HS6ST2: variants seen among roughly 807,000 people sequenced by gnomAD.
The protein encoded by HS6ST2 is heparan sulfate 6-O-sulfotransferase 2.
In HS6ST2, 17 loss-of-function variants were observed where a neutral mutation model predicts 33.0. That is an observed-to-expected ratio of 0.52 (90% CI 0.35 to 0.77). HS6ST2 has a LOEUF of 0.77. HS6ST2 is among the 30% of genes least tolerant of loss of function. HS6ST2 has a pLI of 0.01. For missense variants in HS6ST2, 519 were observed against 551.7 expected (o/e 0.94, Z 0.59); for synonymous variants, 248 against 237.1 (o/e 1.05, Z -0.42).
intron 2 of HS6ST2, among the ~76,000 whole-genome samples, chrX:132,722,203 A>C (rs2064338680): frequency 9.2e-6 from 1 of 108,841 alleles, no homozygotes; most frequent in South Asian, 3.9e-4. Context: ...AAAAAAAAAA[A>C]AAAAAAGAAC....
upstream of HS6ST2, among the ~76,000 whole-genome samples, chrX:132,961,078 G>GGCTCAAAT (rs1346443787): frequency 9.2e-6 from 1 of 108,202 alleles, no homozygotes; most frequent in East Asian, 2.9e-4. Flanking sequence ...GAATGACAAA[G>GGCTCAAAT]GCTCAAATGC....
At chrX:132,639,769 A>G (rs2063588396) in intron 4 of HS6ST2, among the ~76,000 whole-genome samples, 1 of 111,658 alleles carries the variant, frequency 9.0e-6, no homozygotes, top group Admixed American at 9.6e-5. Context: ...AAGAATCATA[A>G]GCTCCATGCC....
At chrX:132,763,319 G>A (rs1253527071) in intron 2 of HS6ST2, among the ~76,000 whole-genome samples, 1 of 112,583 alleles carries the variant, frequency 8.9e-6, no homozygotes, top group Non-Finnish European at 1.9e-5. Context: ...ATGAGCTAAC[G>A]CATGTGAAAG....
At chrX:132,762,258 C>A (rs1208863810) in intron 2 of HS6ST2, among the ~76,000 whole-genome samples, 3 of 111,087 alleles carry the variant, frequency 2.7e-5, no homozygotes, top group Non-Finnish European at 5.7e-5. Context: ...TCTTTGAGGG[C>A]AGGAGCCATG....
intron 2 of HS6ST2, among the ~76,000 whole-genome samples, chrX:132,718,634 T>G (rs1336131299): frequency 1.8e-5 from 2 of 111,067 alleles, no homozygotes; most frequent in Non-Finnish European, 3.8e-5. Flanking sequence ...CCTGTTTGCC[T>G]CTCTTTAGGC....
intron 2 of HS6ST2, among the ~76,000 whole-genome samples, chrX:132,827,344 T>C (rs1234598920): frequency 1.8e-5 from 2 of 110,988 alleles, no homozygotes; most frequent in East Asian, 2.9e-4. Context: ...AAACTTACTA[T>C]GGTTCACGGT....
rs188328775 is a variant in HS6ST2, at chrX:132,715,957, C to T, written c.948-7463G>A. Among the ~76,000 whole-genome samples the T allele has an allele frequency of 2.1e-3, 238 of 112,371 alleles. 1 individual carries two copies. Among genetic ancestry groups the T allele is most frequent in the African/African-American group, 6.8e-3 (211 of 30,950 alleles). On this transcript the variant is annotated intron_variant, in intron 2 of 4. Transcript: ENST00000370833. ...GAGAAATAATGCCTTATACCTGGATCGTGTATTGCCAAAGCACCGACTGCA... is the reference window on the plus strand; with the variant it reads ...GAGAAATAATGCCTTATACCTGGATTGTGTATTGCCAAAGCACCGACTGCA...
At chrX:132,706,048 A>G (rs1191792153) in intron 3 of HS6ST2, among the ~76,000 whole-genome samples, 1 of 110,484 alleles carries the variant, frequency 9.1e-6, no homozygotes, top group African/African-American at 3.3e-5. Flanking sequence ...TTACTATAAT[A>G]GTTCCCAACG....
At chrX:132,863,937 C>T (rs2148420483) in intron 2 of HS6ST2, among the ~76,000 whole-genome samples, 1 of 111,645 alleles carries the variant, frequency 9.0e-6, no homozygotes, top group South Asian at 3.8e-4. Context: ...GCAGCCTCCG[C>T]TGATGATACC....
intron 4 of HS6ST2, among the ~76,000 whole-genome samples, chrX:132,659,402 A>T (rs1460500875): frequency 9.0e-6 from 1 of 111,467 alleles, no homozygotes; most frequent in African/African-American, 3.3e-5. Context: ...CCCACTTCCC[A>T]TTCTTAGGTT....
chrX:132,855,328 G>T (rs976120157), intron 2 of HS6ST2, among the ~76,000 whole-genome samples: 1 of 112,118 alleles, frequency 8.9e-6, no homozygotes, highest in Non-Finnish European at 1.9e-5. Flanking sequence ...AATCCTTCCA[G>T]ATAGGCATTA....
At chrX:132,897,828 C>A (rs2066389839) in intron 2 of HS6ST2, among the ~76,000 whole-genome samples, 1 of 111,564 alleles carries the variant, frequency 9.0e-6, no homozygotes, top group Non-Finnish European at 1.9e-5. Context: ...GGAGTCATTG[C>A]ATACTCTCAG....
At chrX:132,636,466 T>A (rs942832903) in intron 4 of HS6ST2, among the ~76,000 whole-genome samples, 3 of 112,016 alleles carry the variant, frequency 2.7e-5, no homozygotes, top group African/African-American at 9.7e-5. Context: ...AACAAGAATC[T>A]TATTTTTTAT....
chrX:132,734,574 C>T (rs759309990), intron 2 of HS6ST2, among the ~76,000 whole-genome samples: 26 of 111,831 alleles, frequency 2.3e-4, no homozygotes, highest in Non-Finnish European at 3.4e-4. Context: ...TATGCATTTC[C>T]CCACATGGGC....
intron 2 of HS6ST2, among the ~76,000 whole-genome samples, chrX:132,803,222 T>C (rs2065252110): frequency 9.0e-6 from 1 of 111,369 alleles, no homozygotes; most frequent in Non-Finnish European, 1.9e-5. Context: ...TAGTCTCTTC[T>C]TTTTCCTAGT....
intron 4 of HS6ST2, among the ~76,000 whole-genome samples, chrX:132,633,197 A>T (rs1250485258): frequency 9.1e-6 from 1 of 110,364 alleles, no homozygotes; most frequent in East Asian, 2.9e-4. Context: ...ACGTGCATCA[A>T]AAAACCTCCC....
At chrX:132,899,597 A>G (rs754954836) in intron 2 of HS6ST2, among the ~76,000 whole-genome samples, 2 of 111,733 alleles carry the variant, frequency 1.8e-5, no homozygotes, top group African/African-American at 6.5e-5. Context: ...AATGAAATAC[A>G]TAGAGAAAAA....
chrX:132,694,329 A>C (rs1459158277), intron 3 of HS6ST2, among the ~76,000 whole-genome samples: 1 of 111,900 alleles, frequency 8.9e-6, no homozygotes, highest in Admixed American at 9.5e-5. Context: ...CATTTCAAGA[A>C]AGACTGGAAT....
intron 2 of HS6ST2, among the ~76,000 whole-genome samples, chrX:132,936,667 A>G (rs2066825828): frequency 9.0e-6 from 1 of 111,482 alleles, no homozygotes; most frequent in Admixed American, 9.6e-5. Context: ...ACTTAGATAC[A>G]AAGAGAGGAA....
Sources: gnomAD v4.1 joint callset for allele counts (sites outside exome capture counted in the v4.1 genomes callset) on GRCh38, gnomAD v4.1.1 for gene constraint, MANE v1.5 for transcripts, NCBI Gene and HGNC (gene_info 2026-07-23, HGNC 2026-07-21) for gene names.